Variants in SUGP2 observed in about 807,000 individuals in gnomAD.
SUGP2 encodes the protein SURP and G-patch domain-containing protein 2.
SUGP2 carries 24 observed loss-of-function variants against 90.5 expected under a neutral mutation model. That is an observed-to-expected ratio of 0.27 (90% confidence interval 0.19 to 0.37). SUGP2 has a LOEUF of 0.37. Ranked by LOEUF, SUGP2 falls within the 10% of genes least tolerant of loss-of-function variation. The pLI, the probability that SUGP2 is intolerant of heterozygous loss-of-function variation, is 1.00. For synonymous variants in SUGP2, 473 were observed against 513.4 expected (o/e 0.92, Z 1.06); for missense variants, 1,233 against 1,363.3 (o/e 0.90, Z 1.51).
intron 4 of SUGP2, among the ~76,000 whole-genome samples, chr19:19,017,927 C>T (rs1448717831): frequency 7.1e-6 from 1 of 140,092 alleles, no homozygotes; most frequent in Admixed American, 7.2e-5. Flanking sequence ...CTGATCATCA[C>T]TTTTTTTTTT....
chr19:18,999,339 A>T (rs539086035), intron 8 of SUGP2, among the ~76,000 whole-genome samples: 1 of 152,312 alleles, frequency 6.6e-6, no homozygotes, highest in South Asian at 2.1e-4. Flanking sequence ...GACACCCACC[A>T]GGAACCGCGT....
intron 2 of SUGP2, among the ~76,000 whole-genome samples, chr19:19,029,013 C>G (rs2059039477): frequency 6.6e-6 from 1 of 152,132 alleles, no homozygotes; most frequent in Non-Finnish European, 1.5e-5. Context: ...GGGTCTCACT[C>G]TTTGGCCCAG....
intron 8 of SUGP2, among the ~76,000 whole-genome samples, chr19:18,999,861 G>C (rs1199350234): frequency 6.6e-6 from 1 of 152,110 alleles, no homozygotes; most frequent in African/African-American, 2.4e-5. Flanking sequence ...CCTGGCTCCA[G>C]GTCAGTGAAT....
At position 19,010,089 on chromosome 19, in the gene SUGP2, T is replaced by C. The variant is rs751250694; in HGVS notation, c.2104A>G (p.Thr702Ala). The C allele has an allele frequency of 6.2e-7, 1 of 1,613,048 alleles. No individual in the cohort carries two copies. Among genetic ancestry groups the C allele is most frequent in the South Asian group, 1.1e-5 (1 of 91,026 alleles). The change falls in exon 5 of 11, where the codon ACC (threonine) becomes GCC (alanine). Residue 702 changes from threonine to alanine, a missense_variant. Transcript: ENST00000452918. ...AGCCTGGTGCCTGAGGATAGGAGGG[T>C]CTGGGTCCCGGTGGTCGCTCTCCTC... Reference protein sequence around the residue: ...KARRATTGTQTLLSSGTRLKH... With the variant: ...KARRATTGTQALLSSGTRLKH...
intron 4 of SUGP2, among the ~76,000 whole-genome samples, chr19:19,013,429 T>C (rs1050071820): frequency 6.6e-5 from 10 of 152,182 alleles, no homozygotes; most frequent in Admixed American, 1.3e-4. Flanking sequence ...TTTCTCTCTA[T>C]AGTAGTACGG....
In SUGP2 at chr19:19,004,066, A is replaced by G. The variant is rs570207590; in HGVS notation, c.2929+102T>C. 1.1e-4 allele frequency: 106 copies of G among 938,208 alleles called. 1 individual carries two copies. In the African/African-American group the frequency reaches 1.5e-3, roughly 13 times the overall value. 58.1% of individuals were successfully genotyped at this position (938,208 alleles called of 1,614,324 possible). On this transcript the variant is annotated intron_variant, in intron 7 of 10. Coordinates refer to ENST00000452918, the MANE Select transcript of SUGP2 (RefSeq NM_001017392.5). Reference sequence around the variant, plus strand: ...CTCACATTTTGGAGTGGTGCACAAAACTCTTTTGGATTAAAATGTCTCCAC... The same window carrying G: ...CTCACATTTTGGAGTGGTGCACAAAGCTCTTTTGGATTAAAATGTCTCCAC...
Position 19,033,479 on chromosome 19 carries a change from G to A in SUGP2, c.-54C>T, listed in dbSNP as rs879163431. On this transcript the variant is annotated 5_prime_UTR_variant, in exon 1 of 11. Coordinates refer to ENST00000452918, the MANE Select transcript of SUGP2 (RefSeq NM_001017392.5). ...CGGAGCCACCCCCGCCGCCGCCTCAGGCTCCTCACCCGCCGCCGCCGCCGC... is the reference window on the plus strand; with the variant it reads ...CGGAGCCACCCCCGCCGCCGCCTCAAGCTCCTCACCCGCCGCCGCCGCCGC... 5.0e-6 allele frequency: 7 copies of A among 1,410,566 alleles called. No individual in the cohort carries two copies. Among genetic ancestry groups the A allele is most frequent in the South Asian group, 1.3e-5 (1 of 74,950 alleles). 87.4% of individuals were successfully genotyped at this position (1,410,566 alleles called of 1,614,324 possible). A position where few individuals can be genotyped will look rare whatever the true frequency, so the allele number is the denominator to read the frequency against.
rs10417995 is a variant in SUGP2, at chr19:18,992,596, T to A, written c.*1145A>T. The A allele has an allele frequency of 6.6e-6, 1 of 152,100 alleles. No homozygotes were observed. The highest frequency in any genetic ancestry group is 2.1e-4 in the South Asian group (1 of 4,806). The allele number at this position is 152,100 out of a possible 1,614,324, so 9.4% of individuals were successfully genotyped here. ...CAAACTCCTGACCTCAGGTGATCCA[T>A]CCGCCTCAACCTCCTAAAGTGCTGG... is the stretch of plus-strand genomic sequence containing the variant. On this transcript the variant is annotated 3_prime_UTR_variant, in exon 11 of 11. Transcript: ENST00000452918.
rs765626613 is a variant in SUGP2 at position 19,009,890 on chromosome 19, G to A, written c.2303C>T (p.Ala768Val). ...TGGGCAGGGAGAAGAGGTCTGAGGT[G>A]CTTCAGAGATGTCCACTCCTGCTGG... ...PKPAGVDISE[A>V]PQTSSPCPSA... is the part of the protein sequence containing the mutation. Residue 768 changes from alanine to valine, a missense_variant, in exon 5 of 11, where the codon GCA becomes GTA. By Grantham distance (64) the Ala-to-Val change is moderately conservative. Coordinates refer to ENST00000452918, the MANE Select transcript of SUGP2 (RefSeq NM_001017392.5). 2.5e-6 allele frequency: 4 copies of A among 1,613,790 alleles called. No homozygotes were observed. Among genetic ancestry groups the A allele is most frequent in the Non-Finnish European group, 3.4e-6 (4 of 1,179,774 alleles).
intron 3 of SUGP2, among the ~76,000 whole-genome samples, chr19:19,024,037 AT>A (rs1488218297): frequency 6.6e-6 from 1 of 152,210 alleles, no homozygotes; most frequent in African/African-American, 2.4e-5. Context: ...GCGTGAATAG[AT>A]GAGCATTTTT....
chr19:18,994,160 T>G, intron 10 of SUGP2: 6 of 643,006 alleles, frequency 9.3e-6, no homozygotes, highest in Admixed American at 3.2e-5. Flanking sequence ...CAGTGTGAGG[T>G]TTGCTCCTTC....
intron 4 of SUGP2, among the ~76,000 whole-genome samples, chr19:19,014,230 C>T (rs546961046): frequency 7.9e-5 from 12 of 152,194 alleles, no homozygotes; most frequent in African/African-American, 2.9e-4. Context: ...TGACCTCATG[C>T]GGCCCACTCG....
At chr19:18,997,300 G>A (rs991083751) in intron 8 of SUGP2, among the ~76,000 whole-genome samples, 8 of 151,840 alleles carry the variant, frequency 5.3e-5, no homozygotes, top group African/African-American at 1.9e-4. Flanking sequence ...GGCTGGGAGA[G>A]GAAAGGGAGA....
At chr19:19,030,926 C>T (rs993852133) in intron 2 of SUGP2, 25 bp downstream of exon 2, 2 of 1,599,858 alleles carry the variant, frequency 1.3e-6, no homozygotes, top group African/African-American at 2.7e-5. Flanking sequence ...AAAACAACAA[C>T]TACAACAACA....
At chr19:19,017,772 A>AAAT (rs1010444026) in intron 4 of SUGP2, among the ~76,000 whole-genome samples, 8 of 151,930 alleles carry the variant, frequency 5.3e-5, no homozygotes, top group Admixed American at 5.2e-4. Flanking sequence ...TTCCGTTAAC[A>AAAT]AATAATAATA....
At chr19:19,027,037 T>C (rs1047637098) in intron 2 of SUGP2, among the ~76,000 whole-genome samples, 1 of 152,070 alleles carries the variant, frequency 6.6e-6, no homozygotes, top group Non-Finnish European at 1.5e-5. Flanking sequence ...CCCTGCACTT[T>C]GGGAGGCCGA....
chr19:19,005,509 C>T (rs2058029239), intron 6 of SUGP2, among the ~76,000 whole-genome samples: 1 of 152,058 alleles, frequency 6.6e-6, no homozygotes, highest in Non-Finnish European at 1.5e-5. Flanking sequence ...TAAAATGCCC[C>T]AAAGCCTCTA....
chr19:19,024,471 A>G, intron 3 of SUGP2, 148 bp downstream of exon 3: 1 of 815,226 alleles, frequency 1.2e-6, no homozygotes, highest in Non-Finnish European at 1.9e-6. Context: ...TGAATGGCAG[A>G]CATATATTGG....
At chr19:19,030,210 C>T (rs2059099782) in intron 2 of SUGP2, among the ~76,000 whole-genome samples, 1 of 152,112 alleles carries the variant, frequency 6.6e-6, no homozygotes, top group African/African-American at 2.4e-5. Context: ...CAAAACTGGG[C>T]TGGGCTCGGT....
Sources: gnomAD v4.1 joint callset for allele counts (sites outside exome capture counted in the v4.1 genomes callset) on GRCh38, gnomAD v4.1.1 for gene constraint, MANE v1.5 for transcripts, NCBI Gene and HGNC (gene_info 2026-07-23, HGNC 2026-07-21) for gene names.